INTS8: variants seen among roughly 807,000 people sequenced by gnomAD.
INTS8 encodes the protein integrator complex subunit 8.
A neutral mutation model predicts 138.9 loss-of-function variants in INTS8; 47 were observed. The ratio of observed to expected loss-of-function variants is 0.34; its 90% CI spans 0.27 to 0.43. INTS8 has a LOEUF of 0.43. Among genes scored for constraint, INTS8 ranks in the 20% least tolerant of loss-of-function variants. The pLI is 1.00. For missense variants in INTS8, 996 were observed against 1,173.0 expected (o/e 0.85, Z 2.20); for synonymous variants, 392 against 400.9 (o/e 0.98, Z 0.27).
In INTS8 at chr8:94,841,536, C is replaced by A; in HGVS notation, c.1063C>A (p.Pro355Thr). The change falls in exon 9 of 27, where the codon CCT (proline) becomes ACT (threonine). Residue 355 changes from proline (P) to threonine (T), a missense_variant. Transcript: ENST00000523731. ...FIEDNLTLSL[P>T]VQFRQSVLRE... is the part of the protein sequence containing the mutation. ...TGAAGACAACTTAACCTTGAGTTTA[C>A]CTGTCCAGTTCCGACAGTCAGTCCT... 6.2e-7 allele frequency: 1 copy of A among 1,609,406 alleles called. No individual in the cohort carries two copies. The highest frequency in any genetic ancestry group is 2.2e-5 in the East Asian group (1 of 44,720).
chr8:94,866,212 C>T, intron 18 of INTS8, 21 bp downstream of exon 18: 1 of 1,251,992 alleles, frequency 8.0e-7, no homozygotes, highest in Non-Finnish European at 1.2e-6. Flanking sequence ...TTAAAAATTG[C>T]TCTAATTACT....
intron 8 of INTS8, among the ~76,000 whole-genome samples, chr8:94,839,140 AGTT>A (rs1188331808): frequency 3.9e-5 from 6 of 152,204 alleles, no homozygotes; most frequent in African/African-American, 1.4e-4. Context: ...TGAACACGGC[AGTT>A]GTTCTGGTGG....
intron 18 of INTS8, among the ~76,000 whole-genome samples, chr8:94,866,571 C>T (rs1816184624): frequency 6.6e-6 from 1 of 152,190 alleles, no homozygotes; most frequent in Non-Finnish European, 1.5e-5. Flanking sequence ...AGGTGTTAGC[C>T]ACCTTGCCTG....
chr8:94,834,298 A>G (rs1586473716), intron 6 of INTS8, among the ~76,000 whole-genome samples: 1 of 151,584 alleles, frequency 6.6e-6, no homozygotes, highest in East Asian at 1.9e-4. Flanking sequence ...GGTATTTTGC[A>G]GTCTATCTTT....
chr8:94,866,823 T>TA (rs1181255358), intron 18 of INTS8: 1 of 264,762 alleles, frequency 3.8e-6, no homozygotes, highest in African/African-American at 2.2e-5. Context: ...GGACGTAACC[T>TA]AGGTTTCACT....
rs1816208605 is a variant in INTS8 at position 94,867,171 on chromosome 8, T to A, written c.2327T>A (p.Leu776His). 6.2e-7 allele frequency: 1 copy of A among 1,610,578 alleles called. No homozygotes were observed. Among genetic ancestry groups the A allele is most frequent in the Non-Finnish European group, 8.5e-7 (1 of 1,178,184 alleles). The stretch of plus-strand genomic sequence containing the variant: ...CTCGTTTTGACTATTATTTTATCAC[T>A]CTTTGTGAAACTTCACAATGTTCGG... ...EPLVLTIILSLFVKLHNVRED... is the reference protein window; with the variant it reads ...EPLVLTIILSHFVKLHNVRED... The change falls in exon 19 of 27, where the codon CTC becomes CAC. Residue 776 changes from leucine to histidine, a missense_variant. By Grantham distance (99) the Leu-to-His change is moderately conservative. Transcript: ENST00000523731.
intron 13 of INTS8, 136 bp downstream of exon 13, chr8:94,851,822 T>G: frequency 1.7e-6 from 1 of 579,698 alleles, no homozygotes; most frequent in Non-Finnish European, 2.9e-6. Context: ...ATGAACATAA[T>G]TGCATTTTTA....
intron 26 of INTS8, among the ~76,000 whole-genome samples, chr8:94,878,142 T>C (rs977016662): frequency 7.9e-5 from 12 of 152,172 alleles, no homozygotes; most frequent in Admixed American, 1.3e-4. Context: ...CGTGTTTTAT[T>C]TTCTTGGGCC....
intron 12 of INTS8, among the ~76,000 whole-genome samples, chr8:94,850,384 G>C (rs1007447008): frequency 1.3e-5 from 2 of 152,146 alleles, no homozygotes; most frequent in Admixed American, 1.3e-4. Context: ...AGGCCAAGAC[G>C]GGCGGATCAC....
intron 5 of INTS8, among the ~76,000 whole-genome samples, chr8:94,830,409 C>T (rs1334323340): frequency 2.0e-5 from 3 of 152,224 alleles, no homozygotes. Context: ...CCAAAGCCTA[C>T]ATCATTTCAT....
At chr8:94,844,992 G>T (rs1586488755) in intron 10 of INTS8, among the ~76,000 whole-genome samples, 1 of 151,792 alleles carries the variant, frequency 6.6e-6, no homozygotes, top group East Asian at 1.9e-4. Context: ...GAGCTCAGGT[G>T]ATCCACTCAC....
chr8:94,829,051 G>T, intron 5 of INTS8, 25 bp downstream of exon 5: 1 of 1,552,886 alleles, frequency 6.4e-7, no homozygotes, highest in Non-Finnish European at 8.8e-7. Context: ...CAGTTACACA[G>T]TAACACTTCA....
At chr8:94,862,079 T>TACA (rs935719137) in intron 16 of INTS8, among the ~76,000 whole-genome samples, 1 of 152,082 alleles carries the variant, frequency 6.6e-6, no homozygotes. Flanking sequence ...TAGCTGGCAT[T>TACA]ACAGGCATGC....
chr8:94,843,804 A>G (rs1315577873), intron 10 of INTS8, among the ~76,000 whole-genome samples: 3 of 152,132 alleles, frequency 2.0e-5, no homozygotes, highest in Non-Finnish European at 4.4e-5. Flanking sequence ...ATTTTTAAAA[A>G]CCAAGTGGCT....
intron 8 of INTS8, among the ~76,000 whole-genome samples, chr8:94,839,692 G>A (rs1815063917): frequency 1.3e-5 from 2 of 152,152 alleles, no homozygotes; most frequent in African/African-American, 4.8e-5. Flanking sequence ...TAGCTCCCTA[G>A]TAAAGGTTTA....
At chr8:94,843,419 T>C (rs779697374) in intron 10 of INTS8, among the ~76,000 whole-genome samples, 9 of 152,074 alleles carry the variant, frequency 5.9e-5, no homozygotes, top group Non-Finnish European at 1.3e-4. Flanking sequence ...TACAAAAAAT[T>C]AGCCGAGCGT....
chr8:94,843,711 G>A lies in INTS8; in HGVS notation c.1260+1223G>A, dbSNP rs568592243. Among the ~76,000 whole-genome samples, 3 of 150,266 alleles carry A rather than the reference G, an allele frequency of 2.0e-5. No individual in the cohort carries two copies. The South Asian group carries it at 6.3e-4, about 32-fold the overall frequency. ...GTGTTGTTTATAGTTTTTGCCGCTTGGAACATACTTGTACATATATCTAGG... is the reference window on the plus strand; with the variant it reads ...GTGTTGTTTATAGTTTTTGCCGCTTAGAACATACTTGTACATATATCTAGG... On this transcript the variant is annotated intron_variant, in intron 10 of 26. Transcript: ENST00000523731.
chr8:94,867,057 C>G (rs190768114), intron 18 of INTS8, 83 bp from the exon 19 acceptor site: 1 of 1,033,878 alleles, frequency 9.7e-7, no homozygotes. Context: ...TTTTAGAATG[C>G]TTGATGTCTG....
At chr8:94,878,792 G>T (rs1362901076) in intron 26 of INTS8, among the ~76,000 whole-genome samples, 1 of 152,170 alleles carries the variant, frequency 6.6e-6, no homozygotes, top group Non-Finnish European at 1.5e-5. Flanking sequence ...CAGATCCAGT[G>T]GATACTTTTC....
Sources: gnomAD v4.1 joint callset for allele counts (sites outside exome capture counted in the v4.1 genomes callset) on GRCh38, gnomAD v4.1.1 for gene constraint, MANE v1.5 for transcripts, NCBI Gene and HGNC (gene_info 2026-07-23, HGNC 2026-07-21) for gene names.